XYLB: variants seen among roughly 807,000 people sequenced by gnomAD.
The protein encoded by XYLB is xylulokinase, also known as xylulose kinase.
XYLB carries 62 observed loss-of-function variants against 78.7 expected under a neutral mutation model. The ratio of observed to expected loss-of-function variants is 0.79; its 90% CI spans 0.64 to 0.97. The LOEUF (loss-of-function observed/expected upper bound fraction) is 0.97. XYLB is among the 50% of genes least tolerant of loss of function. The probability of loss-of-function intolerance (pLI) is 0.00; values close to 1 mark genes in which losing one functional copy is unlikely to be tolerated. For missense variants in XYLB, 687 were observed against 676.8 expected (o/e 1.02, Z -0.17); for synonymous variants, 245 against 247.4 (o/e 0.99, Z 0.09).
intron 3 of XYLB, 76 bp from the exon 4 acceptor site, chr3:38,362,861 G>A (rs1376133188): frequency 7.8e-7 from 1 of 1,283,020 alleles, no homozygotes; most frequent in African/African-American, 1.5e-5. Context: ...GCAGGCACTT[G>A]CGTTTCAATT....
chr3:38,378,313 A>C (rs965668044), intron 14 of XYLB, among the ~76,000 whole-genome samples: 2 of 152,254 alleles, frequency 1.3e-5, no homozygotes. Context: ...GCAGATATGT[A>C]TGATTGGTGC....
chr3:38,403,180 G>C (rs1453678537), intron 18 of XYLB, among the ~76,000 whole-genome samples: 1 of 151,594 alleles, frequency 6.6e-6, no homozygotes, highest in Non-Finnish European at 1.5e-5. Context: ...TGTAATCCCA[G>C]CTACTCGGGA....
intron 15 of XYLB, among the ~76,000 whole-genome samples, chr3:38,381,801 A>G (rs1217667280): frequency 1.3e-5 from 2 of 152,208 alleles, no homozygotes; most frequent in Non-Finnish European, 2.9e-5. Context: ...ATAAGATGTT[A>G]CCAATGACAA....
chr3:38,433,272 G>T, the XYLB span, among the ~76,000 whole-genome samples: 1 of 152,302 alleles, frequency 6.6e-6, no homozygotes, highest in African/African-American at 2.4e-5. Flanking sequence ...AGAGGGCCTG[G>T]GCCTGGCCCA....
At chr3:38,380,996 C>A (rs1270971409) in intron 15 of XYLB, among the ~76,000 whole-genome samples, 1 of 152,138 alleles carries the variant, frequency 6.6e-6, no homozygotes, top group Non-Finnish European at 1.5e-5. Context: ...ACAGGCCAGG[C>A]ACAGTGGCTC....
chr3:38,358,405 C>A, intron 2 of XYLB, among the ~76,000 whole-genome samples: 1 of 143,614 alleles, frequency 7.0e-6, no homozygotes, highest in Non-Finnish European at 1.5e-5. Context: ...AGTGCAGTGG[C>A]AAGATCTCAG....
intron 14 of XYLB, among the ~76,000 whole-genome samples, chr3:38,378,332 G>A (rs1444131174): frequency 2.0e-5 from 3 of 152,186 alleles, no homozygotes. Flanking sequence ...GCCAGGCACC[G>A]GGGACACAAA....
At chr3:38,368,658 G>A (rs1329688513) in intron 8 of XYLB, among the ~76,000 whole-genome samples, 2 of 152,200 alleles carry the variant, frequency 1.3e-5, no homozygotes, top group African/African-American at 4.8e-5. Flanking sequence ...ACATGTGGCT[G>A]TTAGTGACAC....
intron 5 of XYLB, 25 bp downstream of exon 5, chr3:38,365,310 T>G: frequency 6.2e-7 from 1 of 1,610,490 alleles, no homozygotes. Context: ...GTTGTGTGAG[T>G]GTGAGAAACT....
chr3:38,381,285 C>T (rs1018855463), intron 15 of XYLB, among the ~76,000 whole-genome samples: 1 of 152,210 alleles, frequency 6.6e-6, no homozygotes, highest in Admixed American at 6.5e-5. Context: ...CTTCCCCAAT[C>T]AATACCCTTG....
chr3:38,367,266 G>A (rs1252990757), intron 7 of XYLB, among the ~76,000 whole-genome samples: 1 of 152,210 alleles, frequency 6.6e-6, no homozygotes. Flanking sequence ...CTTTGGAAAT[G>A]TATAGGACTG....
chr3:38,433,833 A>G, the XYLB span, among the ~76,000 whole-genome samples: 1 of 152,186 alleles, frequency 6.6e-6, no homozygotes, highest in Admixed American at 6.5e-5. Flanking sequence ...CCAGTTCCAA[A>G]GTTGCTTCCA....
chr3:38,387,615 G>A (rs371079665), intron 15 of XYLB, among the ~76,000 whole-genome samples: 7 of 151,956 alleles, frequency 4.6e-5, no homozygotes, highest in South Asian at 2.1e-4. Flanking sequence ...CAGGTGATCC[G>A]CCTGCCTCAG....
At chr3:38,447,518 A>G in the XYLB span, among the ~76,000 whole-genome samples, 2 of 132,172 alleles carry the variant, frequency 1.5e-5, no homozygotes, top group African/African-American at 6.2e-5. Context: ...GGGTCTCCCT[A>G]TGTTGGTCCA....
chr3:38,419,921 G>A (rs1479483782), downstream of XYLB, among the ~76,000 whole-genome samples: 1 of 151,960 alleles, frequency 6.6e-6, no homozygotes, highest in African/African-American at 2.4e-5. Flanking sequence ...CTGGGTTCAA[G>A]CAATTCTCCT....
intron 15 of XYLB, among the ~76,000 whole-genome samples, chr3:38,385,168 T>C (rs1325690036): frequency 2.0e-5 from 3 of 152,040 alleles, no homozygotes; most frequent in Non-Finnish European, 4.4e-5. Flanking sequence ...ACCTGGCTAA[T>C]TTTTGTATTT....
At chr3:38,408,318 G>A (rs989720592) in intron 18 of XYLB, among the ~76,000 whole-genome samples, 63 of 151,812 alleles carry the variant, frequency 4.1e-4, no homozygotes, top group African/African-American at 1.5e-3. Flanking sequence ...CAGAAATAAA[G>A]ATGTTCTTTG....
chr3:38,432,689 A>T, the XYLB span, among the ~76,000 whole-genome samples: 1 of 152,366 alleles, frequency 6.6e-6, no homozygotes, highest in African/African-American at 2.4e-5. Flanking sequence ...AAATCCAACA[A>T]GGCAGCAATT....
At chr3:38,399,184 C>T (rs184865917) in intron 17 of XYLB, among the ~76,000 whole-genome samples, 5 of 152,250 alleles carry the variant, frequency 3.3e-5, no homozygotes, top group Admixed American at 1.3e-4. Flanking sequence ...ACTGCAGCCT[C>T]GACCTCCTAG....
Sources: allele counts gnomAD v4.1 joint callset (sites outside exome capture counted in the v4.1 genomes callset), GRCh38; gene constraint gnomAD v4.1.1; transcripts MANE v1.5; gene names NCBI Gene and HGNC (gene_info 2026-07-23, HGNC 2026-07-21).